The following PDE8B variants were observed in gnomAD, a reference collection of about 807,000 sequenced individuals.
PDE8B encodes the protein phosphodiesterase 8B.
A neutral mutation model predicts 101.3 loss-of-function variants in PDE8B; 26 were observed. The ratio of observed to expected loss-of-function variants is 0.26; its 90% CI spans 0.19 to 0.36. The LOEUF is 0.36. PDE8B is among the 10% of genes least tolerant of loss of function. The pLI is 1.00. For synonymous variants in PDE8B, 424 were observed against 429.3 expected (o/e 0.99, Z 0.15); for missense variants, 810 against 1,163.1 (o/e 0.70, Z 4.42).
chr5:77,094,742 A>G, the PDE8B span, among the ~76,000 whole-genome samples: 15,444 of 152,166 alleles, frequency 0.1, 2,412 homozygotes, highest in African/African-American at 0.34. Context: ...GGAAGCTTCC[A>G]CTTATGATAA....
chr5:77,100,488 A>T, the PDE8B span: 1 of 152,324 alleles, frequency 6.6e-6, no homozygotes, highest in Non-Finnish European at 1.5e-5. Flanking sequence ...TATGACCAAC[A>T]GTGGTACAGG....
At chr5:77,420,198 C>A (rs752136496) in intron 19 of PDE8B, among the ~76,000 whole-genome samples, 16 of 152,110 alleles carry the variant, frequency 1.1e-4, no homozygotes, top group Non-Finnish European at 2.4e-4. Context: ...TTTAGAGAAT[C>A]CAAAGCCTTT....
At chr5:77,272,908 T>C (rs1055163908) in intron 1 of PDE8B, among the ~76,000 whole-genome samples, 3 of 152,162 alleles carry the variant, frequency 2.0e-5, no homozygotes, top group African/African-American at 7.2e-5. Context: ...ATTTTTATTG[T>C]GTATATTTAA....
At chr5:77,291,065 G>T (rs985701419) in intron 1 of PDE8B, 2 of 1,611,598 alleles carry the variant, frequency 1.2e-6, no homozygotes, top group Non-Finnish European at 1.7e-6. Context: ...GGAGAAGTTT[G>T]TTGGAACTTG....
At chr5:77,107,648 G>A in the PDE8B span, among the ~76,000 whole-genome samples, 1 of 152,100 alleles carries the variant, frequency 6.6e-6, no homozygotes, top group Non-Finnish European at 1.5e-5. Flanking sequence ...ATGATAGTTA[G>A]CTATAGGCTC....
intron 1 of PDE8B, among the ~76,000 whole-genome samples, chr5:77,274,052 C>T (rs943334468): frequency 2.6e-5 from 4 of 152,106 alleles, no homozygotes; most frequent in Non-Finnish European, 4.4e-5. Context: ...GAACTCCCGA[C>T]CTCAGGTGAT....
intron 1 of PDE8B, among the ~76,000 whole-genome samples, chr5:77,251,219 G>A (rs1757992669): frequency 6.6e-6 from 1 of 152,214 alleles, no homozygotes. Flanking sequence ...CTGCTAAGAA[G>A]TGGCAATTCT....
the PDE8B span, among the ~76,000 whole-genome samples, chr5:77,160,361 C>G: frequency 6.6e-6 from 1 of 152,160 alleles, no homozygotes; most frequent in Non-Finnish European, 1.5e-5. Flanking sequence ...ACAGTCGACC[C>G]TGCAGAATCC....
chr5:77,341,690 G>A (rs905034400), intron 6 of PDE8B, among the ~76,000 whole-genome samples: 3 of 152,186 alleles, frequency 2.0e-5, no homozygotes, highest in African/African-American at 7.2e-5. Flanking sequence ...ACAGTGCTTC[G>A]TCCAGTTTTG....
At chr5:77,425,941 T>G (rs1798001883) in intron 21 of PDE8B, 45 bp downstream of exon 21, 1 of 1,567,300 alleles carries the variant, frequency 6.4e-7, no homozygotes, top group Non-Finnish European at 8.8e-7. Context: ...TTGTTATACT[T>G]TACGAATATT....
intron 20 of PDE8B, among the ~76,000 whole-genome samples, chr5:77,422,851 A>G (rs1796964439): frequency 6.6e-6 from 1 of 152,186 alleles, no homozygotes; most frequent in Admixed American, 6.5e-5. Context: ...AAGACTGGGA[A>G]GGGGAGTGAC....
intron 10 of PDE8B, among the ~76,000 whole-genome samples, chr5:77,396,191 C>T (rs188250653): frequency 2.0e-4 from 30 of 152,328 alleles, no homozygotes; most frequent in African/African-American, 7.0e-4. Context: ...CACACAGTAC[C>T]CTCTGGTTTC....
chr5:77,285,707 AC>A (rs763918166), intron 1 of PDE8B, among the ~76,000 whole-genome samples: 1 of 151,618 alleles, frequency 6.6e-6, no homozygotes, highest in Non-Finnish European at 1.5e-5. Context: ...ACTTTTCTCC[AC>A]CTGGGACTTC....
At chr5:77,241,929 C>G (rs1755847614) in intron 1 of PDE8B, among the ~76,000 whole-genome samples, 1 of 152,220 alleles carries the variant, frequency 6.6e-6, no homozygotes, top group Non-Finnish European at 1.5e-5. Context: ...ACCACTACTA[C>G]AAACAACAGC....
chr5:77,423,190 T>G (rs1186030616), intron 20 of PDE8B, among the ~76,000 whole-genome samples: 1 of 152,230 alleles, frequency 6.6e-6, no homozygotes, highest in African/African-American at 2.4e-5. Context: ...ATGACATGAT[T>G]TCATTCTTTT....
At chr5:77,410,528 T>C (rs1181202792) in intron 14 of PDE8B, 1 of 152,198 alleles carries the variant, frequency 6.6e-6, no homozygotes, top group Non-Finnish European at 1.5e-5. Flanking sequence ...CTCACTGCCA[T>C]ACCATCGTGG....
intron 1 of PDE8B, among the ~76,000 whole-genome samples, chr5:77,228,807 A>C (rs969500894): frequency 6.6e-6 from 1 of 152,196 alleles, no homozygotes; most frequent in Non-Finnish European, 1.5e-5. Context: ...ACACAGTCCA[A>C]GTTGTGGTTT....
the PDE8B span, among the ~76,000 whole-genome samples, chr5:77,185,537 G>A: frequency 8.5e-5 from 13 of 152,234 alleles, no homozygotes; most frequent in East Asian, 2.3e-3. Context: ...TACATTCTGA[G>A]GTACTGGGAG....
intron 10 of PDE8B, among the ~76,000 whole-genome samples, chr5:77,384,291 G>GTGTA (rs1358526914): frequency 6.6e-6 from 1 of 152,018 alleles, no homozygotes; most frequent in Non-Finnish European, 1.5e-5. Flanking sequence ...TCTGTTATTG[G>GTGTA]TGTATAGGAA....
Sources: allele counts gnomAD v4.1 joint callset (sites outside exome capture counted in the v4.1 genomes callset), GRCh38; gene constraint gnomAD v4.1.1; transcripts MANE v1.5; gene names NCBI Gene and HGNC (gene_info 2026-07-23, HGNC 2026-07-21).